NPAS3: variants seen among roughly 807,000 people sequenced by gnomAD.
NPAS3 encodes neuronal PAS domain-containing protein 3.
A neutral mutation model predicts 73.1 loss-of-function variants in NPAS3; 14 were observed. That is an observed-to-expected ratio of 0.19 (90% CI 0.13 to 0.30). The LOEUF (loss-of-function observed/expected upper bound fraction) is 0.30, where lower values mean the gene tolerates loss of function less well. Among genes scored for constraint, NPAS3 ranks in the 10% least tolerant of loss-of-function variants. The probability of loss-of-function intolerance (pLI) is 1.00; values close to 1 mark genes in which losing one functional copy is unlikely to be tolerated. For missense variants in NPAS3, 1,096 were observed against 1,250.0 expected (o/e 0.88, Z 1.86); for synonymous variants, 620 against 541.5 (o/e 1.14, Z -2.01).
At chr14:33,092,864 G>A (rs1442135210) in intron 2 of NPAS3, among the ~76,000 whole-genome samples, 1 of 152,124 alleles carries the variant, frequency 6.6e-6, no homozygotes, top group African/African-American at 2.4e-5. Context: ...AACAACAAAT[G>A]GGGAAAAGAT....
At chr14:33,219,848 T>G (rs530605616) in intron 3 of NPAS3, among the ~76,000 whole-genome samples, 4 of 152,272 alleles carry the variant, frequency 2.6e-5, no homozygotes, top group African/African-American at 9.6e-5. Context: ...GGATTCTGTT[T>G]CAATAGAAAG....
intron 5 of NPAS3, among the ~76,000 whole-genome samples, chr14:33,579,669 A>G (rs1414412965): frequency 6.6e-6 from 1 of 152,156 alleles, no homozygotes; most frequent in African/African-American, 2.4e-5. Flanking sequence ...CATTTGACCA[A>G]CATGTACTAG....
intron 6 of NPAS3, among the ~76,000 whole-genome samples, chr14:33,694,700 G>C (rs2060326246): frequency 6.6e-6 from 1 of 152,108 alleles, no homozygotes; most frequent in African/African-American, 2.4e-5. Context: ...CTTCATTTCT[G>C]TCTACATTCC....
intron 6 of NPAS3, among the ~76,000 whole-genome samples, chr14:33,722,719 G>A (rs1165305498): frequency 2.0e-5 from 3 of 152,072 alleles, no homozygotes; most frequent in African/African-American, 7.2e-5. Flanking sequence ...AACAGATATA[G>A]ATAATTATTG....
rs147863406 is a variant in NPAS3 at position 32,963,066 on chromosome 14, A to G, written c.50+23700A>G. On this transcript the variant is annotated intron_variant, in intron 1 of 11. Coordinates refer to ENST00000356141, the Ensembl canonical transcript of NPAS3. The stretch of plus-strand genomic sequence containing the variant: ...GTCATCTATCATTTAAATGGCTGCT[A>G]TCCAGTGGCTTTTCTCATAGTGGTG... Among the ~76,000 whole-genome samples, 469 of 152,198 alleles carry G rather than the reference A, an allele frequency of 3.1e-3. 4 individuals carry two copies. The highest frequency in any genetic ancestry group is 0.028 in the South Asian group (137 of 4,822).
At chr14:33,230,327 A>G (rs905188910) in intron 3 of NPAS3, among the ~76,000 whole-genome samples, 1 of 152,226 alleles carries the variant, frequency 6.6e-6, no homozygotes, top group African/African-American at 2.4e-5. Context: ...GTCTGTTTTC[A>G]GATCTGTCCT....
At position 32,986,426 on chromosome 14, in the gene NPAS3, C is replaced by T. The variant is rs540548695; in HGVS notation, c.50+47060C>T. Among the ~76,000 whole-genome samples, 26 of 152,304 alleles carry T rather than the reference C, an allele frequency of 1.7e-4. 1 individual carries two copies. The South Asian group carries it at 5.2e-3, about 30-fold the overall frequency. On this transcript the variant is annotated intron_variant, in intron 1 of 11. Transcript: ENST00000356141. ...TGACACATTCTGAAAGAGTTGGACA[C>T]AGCTGATTTCCTTTGACTATCAGGA... is the stretch of plus-strand genomic sequence containing the variant.
chr14:33,390,779 A>G (rs1400440119), intron 4 of NPAS3, among the ~76,000 whole-genome samples: 3 of 152,146 alleles, frequency 2.0e-5, no homozygotes, highest in Non-Finnish European at 4.4e-5. Flanking sequence ...TTGCACTTTT[A>G]GGGTCTAGAA....
At chr14:33,006,138 G>A (rs1175860951) in intron 1 of NPAS3, among the ~76,000 whole-genome samples, 1 of 152,118 alleles carries the variant, frequency 6.6e-6, no homozygotes, top group African/African-American at 2.4e-5. Context: ...TTCCAACTCA[G>A]TGCTTCCCTG....
intron 2 of NPAS3, among the ~76,000 whole-genome samples, chr14:33,166,426 C>T (rs1265914925): frequency 6.6e-6 from 1 of 152,066 alleles, no homozygotes; most frequent in Non-Finnish European, 1.5e-5. Flanking sequence ...GCCTGCATTC[C>T]ACCCTGCCTT....
chr14:33,311,392 T>C (rs1002547101), intron 3 of NPAS3, among the ~76,000 whole-genome samples: 1 of 152,288 alleles, frequency 6.6e-6, no homozygotes. Context: ...ATATTAGTGG[T>C]CATAAGTATT....
intron 1 of NPAS3, among the ~76,000 whole-genome samples, chr14:33,017,479 C>G (rs1432494828): frequency 6.6e-6 from 1 of 152,070 alleles, no homozygotes; most frequent in Admixed American, 6.6e-5. Flanking sequence ...GGTTTTGGAG[C>G]AAATGATCTC....
chr14:33,803,436 G>A (rs2063760284), downstream of NPAS3: 1 of 152,112 alleles, frequency 6.6e-6, no homozygotes, highest in African/African-American at 2.4e-5. Context: ...GAAGTTAAAT[G>A]CCACAAATTT....
At chr14:33,097,571 A>G (rs1216665295) in intron 2 of NPAS3, among the ~76,000 whole-genome samples, 1 of 152,190 alleles carries the variant, frequency 6.6e-6, no homozygotes, top group Non-Finnish European at 1.5e-5. Context: ...CAGTCCTAGG[A>G]TATGCATATG....
At chr14:33,179,604 A>T (rs2045719095) in intron 2 of NPAS3, among the ~76,000 whole-genome samples, 1 of 152,134 alleles carries the variant, frequency 6.6e-6, no homozygotes, top group Non-Finnish European at 1.5e-5. Context: ...TCAGCCTCTT[A>T]CTCCTAAATC....
intron 5 of NPAS3, among the ~76,000 whole-genome samples, chr14:33,623,630 C>T (rs958499208): frequency 1.2e-4 from 18 of 152,346 alleles, no homozygotes; most frequent in Non-Finnish European, 2.2e-4. Context: ...TTGTTCCACT[C>T]TCTCCAAGGC....
At chr14:33,140,955 T>C (rs1237738643) in intron 2 of NPAS3, among the ~76,000 whole-genome samples, 2 of 152,214 alleles carry the variant, frequency 1.3e-5, no homozygotes, top group Non-Finnish European at 2.9e-5. Flanking sequence ...GCAATCTGTA[T>C]GTTTGCCTCT....
At chr14:33,787,921 A>G (rs943201358) in intron 9 of NPAS3, among the ~76,000 whole-genome samples, 2 of 152,234 alleles carry the variant, frequency 1.3e-5, no homozygotes, top group Non-Finnish European at 1.5e-5. Context: ...AGTTTTCAAA[A>G]GCCAAAGAAA....
intron 2 of NPAS3, among the ~76,000 whole-genome samples, chr14:33,168,091 C>G (rs150230377): frequency 6.6e-6 from 1 of 152,278 alleles, no homozygotes; most frequent in African/African-American, 2.4e-5. Context: ...TCCGGGCTCT[C>G]TGAGCATTTG....
Sources: gnomAD v4.1 joint callset for allele counts (sites outside exome capture counted in the v4.1 genomes callset) on GRCh38, gnomAD v4.1.1 for gene constraint, MANE v1.5 for transcripts, NCBI Gene and HGNC (gene_info 2026-07-23, HGNC 2026-07-21) for gene names.